Variants in TMEM26 observed in about 807,000 individuals in gnomAD.
TMEM26 encodes transmembrane protein 26.
TMEM26 carries 38 observed loss-of-function variants against 28.8 expected under a neutral mutation model. That is an observed-to-expected ratio of 1.32 (90% CI 1.02 to 1.73). The LOEUF (loss-of-function observed/expected upper bound fraction) is 1.73, where lower values mean the gene tolerates loss of function less well. Ranked by LOEUF, TMEM26 falls within the 40% of genes most tolerant of loss-of-function variation. The pLI is 0.00. For missense variants in TMEM26, 518 were observed against 447.1 expected (o/e 1.16, Z -1.43); for synonymous variants, 227 against 182.9 (o/e 1.24, Z -1.95).
chr10:61,449,778 GT>G (rs918894024), intron 1 of TMEM26, among the ~76,000 whole-genome samples: 16 of 150,728 alleles, frequency 1.1e-4, no homozygotes, highest in South Asian at 6.3e-4. Flanking sequence ...AATATGGAAG[GT>G]TTTTTTTTCC....
At chr10:61,436,015 C>T (rs896022973) in intron 2 of TMEM26, among the ~76,000 whole-genome samples, 155 bp downstream of exon 2, 3 of 151,968 alleles carry the variant, frequency 2.0e-5, no homozygotes, top group Admixed American at 6.6e-5. Flanking sequence ...GGGGGCAAAT[C>T]ATGGATTCAC....
Position 61,430,129 on chromosome 10 carries a change from TAGTAG to T in TMEM26, c.385-988_385-984del, listed in dbSNP as rs201036634. Reference sequence around the variant, plus strand: ...TATTTAATTTATACAGGAAGCACATTAGTAGAGTAAAGATTAATATTTTTGATTGT... The same window carrying T: ...TATTTAATTTATACAGGAAGCACATTAGTAAAGATTAATATTTTTGATTGT... On this transcript the variant is annotated intron_variant, in intron 3 of 5. Transcript: ENST00000399298. Among the ~76,000 whole-genome samples, 651 of 147,686 alleles carry T rather than the reference TAGTAG, an allele frequency of 4.4e-3. 4 individuals carry two copies. Among genetic ancestry groups the T allele is most frequent in the Admixed American group, 8.0e-3 (121 of 15,100 alleles).
chr10:61,439,085 A>G (rs572355559), intron 1 of TMEM26, among the ~76,000 whole-genome samples: 77 of 152,308 alleles, frequency 5.1e-4, no homozygotes, highest in African/African-American at 1.7e-3. Flanking sequence ...GAGGTTCTGC[A>G]ATGGTTTTAC....
chr10:61,411,673 T>A (rs971445491), intron 5 of TMEM26, among the ~76,000 whole-genome samples: 2 of 152,228 alleles, frequency 1.3e-5, no homozygotes, highest in African/African-American at 4.8e-5. Context: ...AATTACTGAT[T>A]TTCCAGTTAA....
chr10:61,413,060 A>G, intron 5 of TMEM26: 1 of 872,624 alleles, frequency 1.1e-6, no homozygotes, highest in Non-Finnish European at 1.6e-6. Context: ...TATGGCAGCA[A>G]CTTGCTAAGC....
At chr10:61,428,032 CT>C (rs1229781416) in intron 4 of TMEM26, among the ~76,000 whole-genome samples, 2 of 151,890 alleles carry the variant, frequency 1.3e-5, no homozygotes, top group Admixed American at 1.3e-4. Context: ...GTAAAGGTAG[CT>C]CATGTTTATA....
Position 61,453,076 on chromosome 10 carries a change from C to T in TMEM26, c.6G>A (p.Glu2=). Residue 2 remains glutamate (E), a synonymous_variant, in exon 1 of 6, where the codon GAG becomes GAA. Transcript: ENST00000399298. M[E]GLVFLNALAT... is the part of the protein sequence containing the mutation. ...CCAGGGCGTTAAGGAAGACCAGTCC[C>T]TCCATGCTGGCCGGAGCACTCTGCC... 1.2e-6 allele frequency: 2 copies of T among 1,612,574 alleles called. No individual in the cohort carries two copies. The highest frequency in any genetic ancestry group is 1.1e-5 in the South Asian group (1 of 91,060).
intron 1 of TMEM26, among the ~76,000 whole-genome samples, chr10:61,445,364 C>T (rs1050950937): frequency 2.0e-5 from 3 of 152,180 alleles, no homozygotes; most frequent in Admixed American, 2.0e-4. Context: ...AACCCCACCC[C>T]CTCTTCCAGG....
chr10:61,437,589 G>T (rs1840028688), intron 1 of TMEM26, among the ~76,000 whole-genome samples: 1 of 152,164 alleles, frequency 6.6e-6, no homozygotes, highest in Non-Finnish European at 1.5e-5. Context: ...TTTGAGACCA[G>T]CCTAACCAAC....
In TMEM26 at chr10:61,410,631, G is replaced by A. The variant is rs185882745; in HGVS notation, c.798C>T (p.Gly266=). The change falls in exon 6 of 6, where the codon GGC becomes GGT. Residue 266 remains glycine (G), a synonymous_variant. Transcript: ENST00000399298. ...GTATGAGACGCACGACAAGGAAGGGGCCATCTTGTATGAAGACGCTGATTC... is the reference window on the plus strand; with the variant it reads ...GTATGAGACGCACGACAAGGAAGGGACCATCTTGTATGAAGACGCTGATTC... The part of the protein sequence containing the change: ...NIGISVFIQD[G]PFLVVRLILM... The A allele has an allele frequency of 1.1e-3, 1,721 of 1,614,102 alleles. 1 individual carries two copies. Among genetic ancestry groups the A allele is most frequent in the Non-Finnish European group, 1.3e-3 (1,516 of 1,180,010 alleles).
At chr10:61,415,087 A>G (rs908428648) in intron 4 of TMEM26, 1 of 985,192 alleles carries the variant, frequency 1.0e-6, no homozygotes, top group Non-Finnish European at 1.2e-6. Context: ...CACATATGGC[A>G]TAGAACGTGG....
intron 1 of TMEM26, among the ~76,000 whole-genome samples, chr10:61,440,827 T>G (rs1840080264): frequency 6.6e-6 from 1 of 152,200 alleles, no homozygotes. Context: ...TGCTCAAAAG[T>G]GCAGTCATCC....
At chr10:61,442,974 C>G (rs2135330579) in intron 1 of TMEM26, among the ~76,000 whole-genome samples, 1 of 152,270 alleles carries the variant, frequency 6.6e-6, no homozygotes, top group East Asian at 1.9e-4. Context: ...TGGGAAGTCA[C>G]CAGTGTGATC....
At position 61,407,195 on chromosome 10, in the gene TMEM26, G is replaced by C. The variant is rs1839507886; in HGVS notation, c.*3127C>G. On this transcript the variant is annotated 3_prime_UTR_variant, in exon 6 of 6. Transcript: ENST00000399298. ...TACATTCAACTCTGAAAGATGGATA[G>C]AAATCTTAAAGCATGTGCACCTACA... 1 of 152,136 alleles carries C rather than the reference G, an allele frequency of 6.6e-6. No homozygotes were observed. Among genetic ancestry groups the C allele is most frequent in the Non-Finnish European group, 1.5e-5 (1 of 67,998 alleles). 9.4% of individuals were successfully genotyped at this position (152,136 alleles called of 1,614,324 possible). A position where few individuals can be genotyped will look rare whatever the true frequency, so the allele number is the denominator to read the frequency against.
At chr10:61,417,894 T>A (rs1171646736) in intron 4 of TMEM26, among the ~76,000 whole-genome samples, 2 of 151,990 alleles carry the variant, frequency 1.3e-5, no homozygotes, top group Non-Finnish European at 2.9e-5. Flanking sequence ...TGTATAATAC[T>A]TAAAAAATTG....
intron 4 of TMEM26, among the ~76,000 whole-genome samples, chr10:61,428,441 T>C (rs1282484735): frequency 6.6e-6 from 1 of 152,142 alleles, no homozygotes; most frequent in Non-Finnish European, 1.5e-5. Flanking sequence ...CCATTCTCCA[T>C]ATACACCAGG....
At chr10:61,415,662 T>C (rs1472009666) in intron 4 of TMEM26, among the ~76,000 whole-genome samples, 1 of 152,100 alleles carries the variant, frequency 6.6e-6, no homozygotes, top group African/African-American at 2.4e-5. Flanking sequence ...TTTCAGCATT[T>C]ACTCCTTTGG....
intron 4 of TMEM26, 199 bp from the exon 5 acceptor site, chr10:61,413,734 CTT>C (rs2135286674): frequency 1.6e-6 from 2 of 1,272,046 alleles, no homozygotes; most frequent in East Asian, 6.3e-5. Flanking sequence ...TAATCTGAGA[CTT>C]AAAGCCCAAC....
At chr10:61,419,013 C>T (rs1839699640) in intron 4 of TMEM26, among the ~76,000 whole-genome samples, 1 of 152,056 alleles carries the variant, frequency 6.6e-6, no homozygotes, top group African/African-American at 2.4e-5. Flanking sequence ...TATTGACTGA[C>T]CAAAAACTAC....
Sources: gnomAD v4.1 joint callset for allele counts (sites outside exome capture counted in the v4.1 genomes callset) on GRCh38, gnomAD v4.1.1 for gene constraint, MANE v1.5 for transcripts, NCBI Gene and HGNC (gene_info 2026-07-23, HGNC 2026-07-21) for gene names.